Variants in DPYD observed in about 807,000 individuals in gnomAD.
The protein encoded by DPYD is dihydropyrimidine dehydrogenase [NADP(+)].
DPYD carries 109 observed loss-of-function variants against 116.2 expected under a neutral mutation model. The ratio of observed to expected loss-of-function variants is 0.94; its 90% CI spans 0.80 to 1.10. The LOEUF is 1.10. Among genes scored for constraint, DPYD ranks in the 50% least tolerant of loss-of-function variants. The probability of loss-of-function intolerance (pLI) is 0.00; values close to 1 mark genes in which losing one functional copy is unlikely to be tolerated. For synonymous variants in DPYD, 440 were observed against 432.0 expected (o/e 1.02, Z -0.23); for missense variants, 1,302 against 1,254.5 (o/e 1.04, Z -0.57).
intron 12 of DPYD, among the ~76,000 whole-genome samples, chr1:97,527,139 C>T (rs1209227783): frequency 1.3e-5 from 2 of 150,882 alleles, no homozygotes; most frequent in South Asian, 2.1e-4. Context: ...AGTGCAGTGG[C>T]GTGATCTCGG....
At chr1:97,289,295 C>G (rs920087624) in intron 18 of DPYD, among the ~76,000 whole-genome samples, 1 of 152,024 alleles carries the variant, frequency 6.6e-6, no homozygotes, top group Non-Finnish European at 1.5e-5. Flanking sequence ...TGAAACTATT[C>G]CAATCAATAG....
intron 19 of DPYD, among the ~76,000 whole-genome samples, chr1:97,224,333 T>TA: frequency 6.6e-6 from 1 of 152,072 alleles, no homozygotes; most frequent in Middle Eastern, 3.2e-3. Flanking sequence ...GATTACTCTC[T>TA]AGCTAATTCC....
intron 14 of DPYD, among the ~76,000 whole-genome samples, chr1:97,444,454 T>C (rs1675965391): frequency 6.6e-6 from 1 of 152,160 alleles, no homozygotes; most frequent in Non-Finnish European, 1.5e-5. Context: ...CTGAAACATA[T>C]GAAATGCTCT....
intron 3 of DPYD, among the ~76,000 whole-genome samples, chr1:97,782,073 C>A (rs1037746319): frequency 1.3e-5 from 2 of 152,156 alleles, no homozygotes; most frequent in African/African-American, 2.4e-5. Flanking sequence ...GGTATTAGTA[C>A]AAGGTAACCA....
intron 3 of DPYD, among the ~76,000 whole-genome samples, chr1:97,777,998 A>G (rs1001026980): frequency 6.6e-6 from 1 of 151,690 alleles, no homozygotes; most frequent in Admixed American, 6.6e-5. Flanking sequence ...TCTCTACTAA[A>G]AATACAAAAA....
chr1:97,471,660 C>T (rs1239579717), intron 13 of DPYD, among the ~76,000 whole-genome samples: 1 of 151,108 alleles, frequency 6.6e-6, no homozygotes, highest in Non-Finnish European at 1.5e-5. Flanking sequence ...ACAATCTTGG[C>T]TCACTGTAAC....
At chr1:97,656,903 A>C (rs1658940604) in intron 8 of DPYD, among the ~76,000 whole-genome samples, 1 of 151,614 alleles carries the variant, frequency 6.6e-6, no homozygotes, top group Non-Finnish European at 1.5e-5. Flanking sequence ...TCAATATTCC[A>C]AGAATGAACT....
chr1:97,105,265 GA>G (rs1651053926), intron 20 of DPYD, among the ~76,000 whole-genome samples: 1 of 152,180 alleles, frequency 6.6e-6, no homozygotes, highest in South Asian at 2.1e-4. Context: ...TTTTGAAGGA[GA>G]GGGGGAATAG....
At chr1:97,813,595 AAC>A in intron 3 of DPYD, among the ~76,000 whole-genome samples, 1 of 152,252 alleles carries the variant, frequency 6.6e-6, no homozygotes, top group South Asian at 2.1e-4. Flanking sequence ...TCCAATGACA[AAC>A]ACCCATTTCC....
chr1:97,494,317 C>CTA (rs142313865), intron 13 of DPYD, among the ~76,000 whole-genome samples: 2,493 of 152,252 alleles, frequency 0.016, 70 homozygotes, highest in African/African-American at 0.057. Context: ...CCATCTTAGC[C>CTA]TGCTAATTAG....
chr1:97,567,993 T>C (rs1469697555), intron 11 of DPYD, among the ~76,000 whole-genome samples: 5 of 151,992 alleles, frequency 3.3e-5, no homozygotes, highest in African/African-American at 9.7e-5. Context: ...TTTGGCAAAA[T>C]GGAGATTTCT....
chr1:97,150,201 C>T (rs1654916290), intron 20 of DPYD, among the ~76,000 whole-genome samples: 1 of 151,992 alleles, frequency 6.6e-6, no homozygotes, highest in Non-Finnish European at 1.5e-5. Flanking sequence ...AAAGTAGCTC[C>T]ACATTCTCTA....
At chr1:97,533,284 A>C (rs1355224761) in intron 12 of DPYD, among the ~76,000 whole-genome samples, 5 of 152,164 alleles carry the variant, frequency 3.3e-5, no homozygotes, top group Admixed American at 1.3e-4. Context: ...TTATCTGTTA[A>C]TATAATAGCA....
rs367823540 is a variant in DPYD, at chr1:97,509,977, G to A, written c.1740+5749C>T. ...TTTATGATGATATCACCATGAGTTA[G>A]GATTAAAAGAAACAATTCAAAACAA... On this transcript the variant is annotated intron_variant, in intron 13 of 22. Transcript: ENST00000370192. Among the ~76,000 whole-genome samples the A allele has an allele frequency of 3.0e-4, 46 of 151,958 alleles. No individual in the cohort carries two copies. The South Asian group carries it at 9.1e-3, about 30-fold the overall frequency.
chr1:97,289,847 G>T (rs1423477275), intron 18 of DPYD, among the ~76,000 whole-genome samples: 1 of 150,390 alleles, frequency 6.6e-6, no homozygotes, highest in Non-Finnish European at 1.5e-5. Context: ...GGGCAATTAG[G>T]CAGGAGAATG....
chr1:97,191,180 T>TA (rs1256453927), intron 20 of DPYD, among the ~76,000 whole-genome samples: 1 of 151,098 alleles, frequency 6.6e-6, no homozygotes, highest in African/African-American at 2.4e-5. Flanking sequence ...TAAAGTATAA[T>TA]AAAAAATATA....
chr1:97,656,483 A>G (rs936047071), intron 8 of DPYD, among the ~76,000 whole-genome samples: 3 of 152,156 alleles, frequency 2.0e-5, no homozygotes, highest in Admixed American at 1.3e-4. Flanking sequence ...TGAAACCTTA[A>G]GTAGGTTCAG....
At chr1:97,399,433 C>A (rs1306885630) in intron 14 of DPYD, among the ~76,000 whole-genome samples, 1 of 152,088 alleles carries the variant, frequency 6.6e-6, no homozygotes, top group Non-Finnish European at 1.5e-5. Flanking sequence ...AATGTGGGCT[C>A]TTTTTTGGTT....
At position 97,844,647 on chromosome 1, in the gene DPYD, G is replaced by T. The variant is rs966591241; in HGVS notation, c.151-16451C>A. On this transcript the variant is annotated intron_variant, in intron 2 of 22. Transcript: ENST00000370192. ...GGGAGGTATGGCTGGAGGAAGCATG[G>T]CCAGCGCTACACCCTCCATAGGGCC... is the stretch of plus-strand genomic sequence containing the variant. 1.3e-5 allele frequency among the ~76,000 whole-genome samples: 2 copies of T among 152,292 alleles called. 1 individual carries two copies. Among genetic ancestry groups the T allele is most frequent in the South Asian group, 4.1e-4 (2 of 4,826 alleles).
Sources: gnomAD v4.1 joint callset for allele counts (sites outside exome capture counted in the v4.1 genomes callset) on GRCh38, gnomAD v4.1.1 for gene constraint, MANE v1.5 for transcripts, NCBI Gene and HGNC (gene_info 2026-07-23, HGNC 2026-07-21) for gene names.